The following MYO3B variants were observed in gnomAD, a reference collection of about 807,000 sequenced individuals.
MYO3B encodes the protein myosin IIIB, also known as myosin-IIIb.
MYO3B carries 156 observed loss-of-function variants against 174.6 expected under a neutral mutation model. The ratio of observed to expected loss-of-function variants is 0.89; its 90% CI spans 0.78 to 1.02. The LOEUF (loss-of-function observed/expected upper bound fraction) is 1.02, where lower values mean the gene tolerates loss of function less well. Among genes scored for constraint, MYO3B ranks in the 50% least tolerant of loss-of-function variants. The pLI, the probability that MYO3B is intolerant of heterozygous loss-of-function variation, is 0.00. For synonymous variants in MYO3B, 563 were observed against 569.1 expected (o/e 0.99, Z 0.15); for missense variants, 1,632 against 1,639.4 (o/e 1.00, Z 0.08).
intron 32 of MYO3B, among the ~76,000 whole-genome samples, chr2:170,619,150 T>C (rs181362269): frequency 1.3e-5 from 2 of 152,156 alleles, no homozygotes; most frequent in Non-Finnish European, 2.9e-5. Flanking sequence ...CTTATCCATA[T>C]GGACAGGCGC....
intron 3 of MYO3B, among the ~76,000 whole-genome samples, chr2:170,203,000 C>T (rs991524422): frequency 2.6e-5 from 4 of 152,140 alleles, no homozygotes; most frequent in African/African-American, 7.2e-5. Flanking sequence ...AAATTCATTA[C>T]TAATTGTTAG....
At chr2:170,458,350 G>GT (rs1487745985) in intron 23 of MYO3B, among the ~76,000 whole-genome samples, 2 of 152,290 alleles carry the variant, frequency 1.3e-5, no homozygotes, top group Middle Eastern at 6.8e-3. Flanking sequence ...GCACATGAGT[G>GT]TAACAGGTGC....
At chr2:170,188,827 G>A (rs2092503810) in intron 1 of MYO3B, among the ~76,000 whole-genome samples, 1 of 152,062 alleles carries the variant, frequency 6.6e-6, no homozygotes, top group Non-Finnish European at 1.5e-5. Flanking sequence ...AAAAGTTGCT[G>A]TAGTTATTAC....
intron 11 of MYO3B, 55 bp from the exon 12 acceptor site, chr2:170,383,655 T>C: frequency 1.5e-6 from 2 of 1,307,094 alleles, no homozygotes; most frequent in Non-Finnish European, 2.2e-6. Flanking sequence ...GGGCAATAGG[T>C]AGTGGAGTAT....
intron 7 of MYO3B, among the ~76,000 whole-genome samples, chr2:170,315,190 T>A (rs939817066): frequency 6.6e-6 from 1 of 152,244 alleles, no homozygotes; most frequent in Admixed American, 6.5e-5. Context: ...GCATTTAACT[T>A]ATGATTCCTG....
intron 32 of MYO3B, chr2:170,602,043 A>T: frequency 1.1e-6 from 1 of 924,744 alleles, no homozygotes; most frequent in Non-Finnish European, 1.8e-6. Context: ...CCTTTGCCAT[A>T]TCTTCAAATT....
At chr2:170,624,572 G>T (rs1040594235) in intron 32 of MYO3B, among the ~76,000 whole-genome samples, 1 of 152,118 alleles carries the variant, frequency 6.6e-6, no homozygotes, top group African/African-American at 2.4e-5. Context: ...TCTCCTGCCT[G>T]ATTGCCCTGG....
At chr2:170,250,397 G>A (rs956255122) in intron 7 of MYO3B, among the ~76,000 whole-genome samples, 14 of 152,138 alleles carry the variant, frequency 9.2e-5, no homozygotes, top group African/African-American at 3.4e-4. Context: ...AGTAGCTTTG[G>A]GCCCCAGTTC....
At chr2:170,624,808 C>T (rs1456124951) in intron 32 of MYO3B, among the ~76,000 whole-genome samples, 1 of 152,180 alleles carries the variant, frequency 6.6e-6, no homozygotes, top group Non-Finnish European at 1.5e-5. Context: ...GCCTTTTCTG[C>T]ATCTATTGAG....
intron 30 of MYO3B, among the ~76,000 whole-genome samples, chr2:170,540,314 AT>A (rs1416407733): frequency 6.6e-6 from 1 of 151,980 alleles, no homozygotes; most frequent in African/African-American, 2.4e-5. Flanking sequence ...ACAGAGTGCG[AT>A]TCTATCTCAA....
At chr2:170,400,859 C>T (rs568799470) in intron 17 of MYO3B, among the ~76,000 whole-genome samples, 21 of 150,076 alleles carry the variant, frequency 1.4e-4, no homozygotes, top group Middle Eastern at 3.4e-3. Flanking sequence ...GAGGCGGAGT[C>T]TCGCTCTGTC....
At chr2:170,589,691 A>G (rs1455115621) in intron 32 of MYO3B, among the ~76,000 whole-genome samples, 1 of 152,212 alleles carries the variant, frequency 6.6e-6, no homozygotes, top group Non-Finnish European at 1.5e-5. Flanking sequence ...AGAAAATTTA[A>G]GTTTATAAGG....
chr2:170,530,539 C>T (rs141596692), intron 30 of MYO3B, among the ~76,000 whole-genome samples: 89 of 152,340 alleles, frequency 5.8e-4, no homozygotes, highest in Admixed American at 1.2e-3. Flanking sequence ...GCTCTGAGAA[C>T]CACATGGCCG....
intron 30 of MYO3B, among the ~76,000 whole-genome samples, chr2:170,531,638 G>C (rs1689359180): frequency 6.6e-6 from 1 of 152,164 alleles, no homozygotes; most frequent in Non-Finnish European, 1.5e-5. Flanking sequence ...GTCATCCTTA[G>C]TATTATGCAT....
chr2:170,604,370 G>T (rs1694690752), intron 32 of MYO3B, among the ~76,000 whole-genome samples: 1 of 152,116 alleles, frequency 6.6e-6, no homozygotes, highest in African/African-American at 2.4e-5. Flanking sequence ...CTGGAGCAAG[G>T]GCTAGGGTTC....
chr2:170,466,652 A>G lies in MYO3B; in HGVS notation c.2955A>G (p.Thr985=). Residue 985 remains threonine (T), a synonymous_variant, in exon 25 of 35, where the codon ACA becomes ACG. Coordinates refer to ENST00000408978, the MANE Select transcript of MYO3B (RefSeq NM_138995.5). ...AQLRSTGILE[T]VSIRRQGYSH... Reference sequence around the variant, plus strand: ...TCCGCTCCACAGGGATTCTGGAGACAGTCAGCATCCGCCGCCAGGGCTATT... The same window carrying G: ...TCCGCTCCACAGGGATTCTGGAGACGGTCAGCATCCGCCGCCAGGGCTATT... 1.2e-6 allele frequency: 2 copies of G among 1,614,210 alleles called. No individual in the cohort carries two copies. Among genetic ancestry groups the G allele is most frequent in the Non-Finnish European group, 1.7e-6 (2 of 1,180,028 alleles).
chr2:170,393,329 C>A (rs2094426014), intron 16 of MYO3B, among the ~76,000 whole-genome samples: 1 of 152,006 alleles, frequency 6.6e-6, no homozygotes, highest in African/African-American at 2.4e-5. Context: ...AGTGATCCAC[C>A]TGCCTCAGCC....
At chr2:170,501,331 C>T (rs1415702163) in intron 27 of MYO3B, among the ~76,000 whole-genome samples, 4 of 152,186 alleles carry the variant, frequency 2.6e-5, no homozygotes, top group African/African-American at 4.8e-5. Context: ...CGCTCTTTCT[C>T]TTCTTCAACT....
At chr2:170,465,409 C>G (rs1439007615) in intron 24 of MYO3B, among the ~76,000 whole-genome samples, 1 of 152,190 alleles carries the variant, frequency 6.6e-6, no homozygotes, top group African/African-American at 2.4e-5. Flanking sequence ...AGAATTCACT[C>G]ATTGCCGTGA....
Sources: allele counts gnomAD v4.1 joint callset (sites outside exome capture counted in the v4.1 genomes callset), GRCh38; gene constraint gnomAD v4.1.1; transcripts MANE v1.5; gene names NCBI Gene and HGNC (gene_info 2026-07-23, HGNC 2026-07-21).